ACSM6: variants seen among roughly 807,000 people sequenced by gnomAD.
ACSM6 encodes acyl-CoA synthetase medium chain family member 6.
In ACSM6, 35 loss-of-function variants were observed where a neutral mutation model predicts 51.1. That is an observed-to-expected ratio of 0.69 (90% confidence interval 0.52 to 0.91). The LOEUF (loss-of-function observed/expected upper bound fraction) is 0.91, where lower values mean the gene tolerates loss of function less well. Ranked by LOEUF, ACSM6 falls within the 40% of genes least tolerant of loss-of-function variation. ACSM6 has a pLI of 0.00. For missense variants in ACSM6, 509 were observed against 584.1 expected, an observed-to-expected ratio of 0.87 and a Z score of 1.32; for synonymous variants, 172 against 207.3, an observed-to-expected ratio of 0.83 and a Z score of 1.46.
At chr10:95,197,754 A>G (rs2034748379) in intron 2 of ACSM6, among the ~76,000 whole-genome samples, 1 of 152,246 alleles carries the variant, frequency 6.6e-6, no homozygotes, top group East Asian at 1.9e-4. Context: ...TTACTAATCC[A>G]CCTCAGCACA....
At chr10:95,202,279 G>T in intron 3 of ACSM6, 84 bp downstream of exon 3, 1 of 1,219,760 alleles carries the variant, frequency 8.2e-7, no homozygotes, top group Non-Finnish European at 1.2e-6. Flanking sequence ...GATGTTAGAG[G>T]GATCTCTATC....
intron 2 of ACSM6, among the ~76,000 whole-genome samples, chr10:95,194,950 A>T (rs2034711399): frequency 6.6e-6 from 1 of 152,232 alleles, no homozygotes; most frequent in African/African-American, 2.4e-5. Context: ...TTGAGATATT[A>T]ATGGTGTGTT....
chr10:95,201,566 C>T (rs2034794391), intron 2 of ACSM6: 1 of 455,206 alleles, frequency 2.2e-6, no homozygotes, highest in Non-Finnish European at 4.4e-6. Flanking sequence ...ACTGATGGAC[C>T]CTTAGGTTGA....
chr10:95,222,165 A>G (rs903960256), intron 9 of ACSM6, among the ~76,000 whole-genome samples: 5 of 152,232 alleles, frequency 3.3e-5, no homozygotes, highest in Non-Finnish European at 7.3e-5. Context: ...GATCTTATAG[A>G]TGTGCAGAAA....
chr10:95,199,330 T>C (rs1341304187), intron 2 of ACSM6, among the ~76,000 whole-genome samples: 5 of 151,578 alleles, frequency 3.3e-5, no homozygotes, highest in African/African-American at 7.3e-5. Context: ...CCCTTCCTTA[T>C]ACCTTATACA....
intron 9 of ACSM6, among the ~76,000 whole-genome samples, chr10:95,224,094 A>G (rs2035017495): frequency 6.6e-6 from 1 of 152,240 alleles, no homozygotes; most frequent in Admixed American, 6.5e-5. Flanking sequence ...TCTCTAGATA[A>G]TTCATCTAAT....
chr10:95,194,469 T>A lies in ACSM6; in HGVS notation c.-17T>A, dbSNP rs913941647. 5 of 1,550,740 alleles carry A rather than the reference T, an allele frequency of 3.2e-6. No individual in the cohort carries two copies. The East Asian group carries it at 1.2e-4, about 38-fold the overall frequency. On this transcript the variant is annotated 5_prime_UTR_variant, in exon 2 of 11. Coordinates refer to ENST00000341686, the Ensembl canonical transcript of ACSM6. ...TCTTTTCCTCAATTTACCTAGGTGG[T>A]TCCCTGTCTGACCCAAATGCTAGGC...
At chr10:95,200,390 T>C (rs2034779795) in intron 2 of ACSM6, among the ~76,000 whole-genome samples, 1 of 151,456 alleles carries the variant, frequency 6.6e-6, no homozygotes, top group Non-Finnish European at 1.5e-5. Context: ...GTGATATACC[T>C]AATGCTGAAT....
At chr10:95,212,936 A>C (rs2034907973) in exon 7 of ACSM6, 1 of 1,606,862 alleles carries the variant, frequency 6.2e-7, no homozygotes, top group African/African-American at 1.3e-5. Flanking sequence ...CAAGTGTTTC[A>C]CCAGGTAAGA....
chr10:95,215,931 GT>G (rs2034939709), intron 8 of ACSM6, among the ~76,000 whole-genome samples: 1 of 152,016 alleles, frequency 6.6e-6, no homozygotes, highest in Admixed American at 6.6e-5. Flanking sequence ...CAGTTTGTTT[GT>G]TTGTTTTTAA....
rs1014066415 is a variant in ACSM6 at position 95,228,606 on chromosome 10, G to T, written c.1303-38G>T. ...CATATCACTAAATGATTGTGAGAGG[G>T]AAGTAAATGTAGGTTTCTGGATTCA... On this transcript the variant is annotated intron_variant, in intron 10 of 10. Transcript: ENST00000341686. The T allele has an allele frequency of 1.0e-5, 16 of 1,539,858 alleles. No individual in the cohort carries two copies. The African/African-American group carries it at 1.8e-4, about 17-fold the overall frequency.
rs1223491641 is a variant in ACSM6, at chr10:95,212,800, T to C, written c.913-58T>C. On this transcript the variant is annotated intron_variant, in intron 6 of 10. Transcript: ENST00000341686. ...TTTCCCGCCTGGACCCCTGCCACAGTCTCACTGTCTCTCCCACCTCACATG... is the reference window on the plus strand; with the variant it reads ...TTTCCCGCCTGGACCCCTGCCACAGCCTCACTGTCTCTCCCACCTCACATG... 3 of 1,359,778 alleles carry C rather than the reference T, an allele frequency of 2.2e-6. No homozygotes were observed. In the African/African-American group the frequency reaches 4.3e-5, roughly 20 times the overall value. The allele number at this position is 1,359,778 out of a possible 1,614,324, so 84.2% of individuals were successfully genotyped here.
intron 2 of ACSM6, among the ~76,000 whole-genome samples, chr10:95,195,981 G>T (rs2034721267): frequency 7.3e-6 from 1 of 136,104 alleles, no homozygotes; most frequent in Admixed American, 7.4e-5. Context: ...GCTGAGCTGT[G>T]CCCCCTCTTG....
At chr10:95,208,925 G>C (rs1434816647) in intron 4 of ACSM6, among the ~76,000 whole-genome samples, 1 of 95,706 alleles carries the variant, frequency 1.0e-5, no homozygotes, top group Admixed American at 1.3e-4. Flanking sequence ...TCAGTGTCCA[G>C]GGATGTTTAA....
At chr10:95,213,081 C>G (rs1183382899) in intron 7 of ACSM6, 141 bp downstream of exon 7, 1 of 583,782 alleles carries the variant, frequency 1.7e-6, no homozygotes, top group Admixed American at 3.0e-5. Flanking sequence ...GACAACAACT[C>G]CATTAGTGTG....
intron 9 of ACSM6, among the ~76,000 whole-genome samples, chr10:95,222,021 T>C (rs941068817): frequency 2.0e-5 from 3 of 152,148 alleles, no homozygotes; most frequent in Non-Finnish European, 4.4e-5. Flanking sequence ...AACAAGGAAA[T>C]GATACACATT....
chr10:95,213,760 A>T (rs2034918686), intron 7 of ACSM6, among the ~76,000 whole-genome samples: 1 of 152,206 alleles, frequency 6.6e-6, no homozygotes, highest in Non-Finnish European at 1.5e-5. Flanking sequence ...ACAGGTTCTC[A>T]ATCATTGTAT....
chr10:95,221,044 TAAG>T (rs1462366925), intron 9 of ACSM6, among the ~76,000 whole-genome samples: 1 of 151,748 alleles, frequency 6.6e-6, no homozygotes, highest in Non-Finnish European at 1.5e-5. Flanking sequence ...TCTCAAAAAA[TAAG>T]AAAAAATTAA....
Position 95,212,042 on chromosome 10 carries a change from C to G in ACSM6, c.912+8C>G. ...CCTGAGACTGTTCTAAATGTAAGAT[C>G]AATTCCTAGTGTGGAATGTGTGGGA... On this transcript the variant is annotated splice_region_variant and intron_variant, in intron 6 of 10. Transcript: ENST00000341686. The G allele has an allele frequency of 1.2e-6, 2 of 1,613,866 alleles. No individual in the cohort carries two copies. The highest frequency in any genetic ancestry group is 1.7e-6 in the Non-Finnish European group (2 of 1,179,864).
Sources: allele counts gnomAD v4.1 joint callset (sites outside exome capture counted in the v4.1 genomes callset), GRCh38; gene constraint gnomAD v4.1.1; transcripts MANE v1.5; gene names NCBI Gene and HGNC (gene_info 2026-07-23, HGNC 2026-07-21).